Variants in FBXL13 observed in about 807,000 individuals in gnomAD.
FBXL13 encodes the protein F-box and leucine rich repeat protein 13.
FBXL13 carries 67 observed loss-of-function variants against 83.6 expected under a neutral mutation model. That is an observed-to-expected ratio of 0.80 (90% confidence interval 0.66 to 0.98). The LOEUF is 0.98. Among genes scored for constraint, FBXL13 ranks in the 50% least tolerant of loss-of-function variants. FBXL13 has a pLI of 0.00. For synonymous variants in FBXL13, 272 were observed against 299.5 expected (o/e 0.91, Z 0.95); for missense variants, 822 against 866.5 (o/e 0.95, Z 0.64).
intron 16 of FBXL13, chr7:102,874,328 T>A: frequency 1.0e-6 from 1 of 985,384 alleles, no homozygotes; most frequent in Non-Finnish European, 1.2e-6. Context: ...TGAGGTTAGC[T>A]TCCTCAGCTG....
intron 11 of FBXL13, among the ~76,000 whole-genome samples, chr7:102,907,304 T>C (rs537553155): frequency 1.7e-3 from 254 of 152,338 alleles, no homozygotes; most frequent in Non-Finnish European, 2.7e-3. Flanking sequence ...GTAGGTGTGC[T>C]TCATTGTTTT....
intron 6 of FBXL13, chr7:102,978,246 C>T (rs1049389432): frequency 1.3e-5 from 2 of 152,142 alleles, no homozygotes; most frequent in African/African-American, 4.8e-5. Context: ...CCCACGCCAC[C>T]CCCTATGTCA....
intron 6 of FBXL13, among the ~76,000 whole-genome samples, chr7:103,005,664 T>C (rs1043092279): frequency 6.6e-6 from 1 of 152,188 alleles, no homozygotes; most frequent in Non-Finnish European, 1.5e-5. Context: ...GGTGTTTCTT[T>C]CTCTTCTTAA....
Position 102,939,687 on chromosome 7 carries a change from A to C in FBXL13, c.725-7754T>G, listed in dbSNP as rs998641416. On this transcript the variant is annotated intron_variant, in intron 8 of 19. Coordinates refer to ENST00000313221, the Ensembl canonical transcript of FBXL13. ...GTAAATTCAGTTTAAAAGTAACTGA[A>C]CTAAATAATAAAGTACAAGTTTTAA... 5.7e-6 allele frequency: 6 copies of C among 1,050,050 alleles called. No individual in the cohort carries two copies. In the African/African-American group the frequency reaches 7.9e-5, roughly 14 times the overall value. The allele number at this position is 1,050,050 out of a possible 1,614,324, so 65.0% of individuals were successfully genotyped here.
chr7:102,836,401 C>T (rs1228120561), intron 17 of FBXL13, among the ~76,000 whole-genome samples: 1 of 152,192 alleles, frequency 6.6e-6, no homozygotes, highest in Non-Finnish European at 1.5e-5. Context: ...AATCTGCAAG[C>T]ATGTTTCAAC....
chr7:103,016,472 G>C (rs1286550211), intron 6 of FBXL13, among the ~76,000 whole-genome samples: 1 of 151,968 alleles, frequency 6.6e-6, no homozygotes, highest in Non-Finnish European at 1.5e-5. Context: ...CATCTCACTG[G>C]GGCTTGTCGG....
chr7:103,027,305 AAAAAT>A, intron 5 of FBXL13, 139 bp downstream of exon 6: 2 of 576,256 alleles, frequency 3.5e-6, no homozygotes, highest in Non-Finnish European at 5.9e-6. Flanking sequence ...CCAAAAAAAT[AAAAAT>A]AAAAAAAAAC....
intron 6 of FBXL13, among the ~76,000 whole-genome samples, chr7:102,969,546 C>T (rs774375124): frequency 2.0e-4 from 31 of 152,024 alleles, no homozygotes; most frequent in Non-Finnish European, 4.0e-4. Context: ...AAAGAAATCA[C>T]GCCTGTAATC....
At chr7:102,840,508 G>T (rs185564023) in intron 17 of FBXL13, among the ~76,000 whole-genome samples, 77 of 152,314 alleles carry the variant, frequency 5.1e-4, no homozygotes, top group African/African-American at 1.8e-3. Flanking sequence ...GTGTCTATTT[G>T]CACAGCCAGC....
chr7:102,911,801 C>G (rs1814730678), intron 11 of FBXL13, among the ~76,000 whole-genome samples: 1 of 152,160 alleles, frequency 6.6e-6, no homozygotes, highest in African/African-American at 2.4e-5. Flanking sequence ...ACGTCAATGC[C>G]ATCTCAGTCA....
intron 16 of FBXL13, among the ~76,000 whole-genome samples, chr7:102,855,123 GTTA>G (rs1181753183): frequency 2.6e-5 from 4 of 152,060 alleles, no homozygotes; most frequent in African/African-American, 9.7e-5. Flanking sequence ...TCCTTAGGAG[GTTA>G]TTATCTTGCC....
intron 11 of FBXL13, among the ~76,000 whole-genome samples, chr7:102,886,068 T>C (rs1278696106): frequency 6.6e-6 from 1 of 152,224 alleles, no homozygotes; most frequent in Non-Finnish European, 1.5e-5. Flanking sequence ...ATTATCCACA[T>C]TAATGGAAAG....
At chr7:103,036,281 C>G (rs1795060380) in intron 2 of FBXL13, among the ~76,000 whole-genome samples, 1 of 152,098 alleles carries the variant, frequency 6.6e-6, no homozygotes, top group South Asian at 2.1e-4. Flanking sequence ...AATAGCAAAA[C>G]AGAATGGGGA....
chr7:102,813,187 G>A (rs1006944130), downstream of FBXL13: 28 of 715,380 alleles, frequency 3.9e-5, no homozygotes, highest in African/African-American at 4.7e-4. Context: ...AACTACTGAT[G>A]TGTTTGGAAA....
chr7:102,888,830 G>A (rs991244992), intron 11 of FBXL13, among the ~76,000 whole-genome samples: 2 of 152,162 alleles, frequency 1.3e-5, no homozygotes, highest in African/African-American at 2.4e-5. Flanking sequence ...ATGAACAGAG[G>A]AGGAGAGAAG....
At chr7:102,966,561 A>C (rs1038647798) in intron 7 of FBXL13, among the ~76,000 whole-genome samples, 1 of 152,214 alleles carries the variant, frequency 6.6e-6, no homozygotes, top group African/African-American at 2.4e-5. Context: ...AGGAGTTAGA[A>C]AAAGCCAACA....
chr7:103,009,256 T>C (rs1216847071), intron 6 of FBXL13, among the ~76,000 whole-genome samples: 1 of 151,810 alleles, frequency 6.6e-6, no homozygotes, highest in Non-Finnish European at 1.5e-5. Context: ...TGTGCGCCAC[T>C]CTCACCGAGA....
chr7:102,891,772 C>T (rs573605228), intron 11 of FBXL13, among the ~76,000 whole-genome samples: 7 of 152,342 alleles, frequency 4.6e-5, no homozygotes, highest in African/African-American at 1.4e-4. Flanking sequence ...TGTGCATTTA[C>T]TGCACAATGA....
intron 11 of FBXL13, among the ~76,000 whole-genome samples, chr7:102,898,216 ATT>A (rs1306453026): frequency 6.6e-6 from 1 of 152,214 alleles, no homozygotes; most frequent in African/African-American, 2.4e-5. Context: ...CCATGTATAT[ATT>A]GTGTGTATAC....
Sources: gnomAD v4.1 joint callset for allele counts (sites outside exome capture counted in the v4.1 genomes callset) on GRCh38, gnomAD v4.1.1 for gene constraint, MANE v1.5 for transcripts, NCBI Gene and HGNC (gene_info 2026-07-23, HGNC 2026-07-21) for gene names.